Variants in ZNF146 observed in about 807,000 individuals in gnomAD.
ZNF146 encodes zinc finger protein OZF.
In ZNF146, 9 loss-of-function variants were observed where a neutral mutation model predicts 22.2. The ratio of observed to expected loss-of-function variants is 0.41; its 90% CI spans 0.24 to 0.71. The LOEUF (loss-of-function observed/expected upper bound fraction) is 0.71, where lower values mean the gene tolerates loss of function less well. Among genes scored for constraint, ZNF146 ranks in the 30% least tolerant of loss-of-function variants. The pLI is 0.34. For synonymous variants in ZNF146, 108 were observed against 119.2 expected (o/e 0.91, Z 0.61); for missense variants, 194 against 344.8 (o/e 0.56, Z 3.46).
intron 3 of ZNF146, among the ~76,000 whole-genome samples, chr19:36,233,502 A>T (rs139306086): frequency 6.2e-4 from 95 of 152,076 alleles, no homozygotes; most frequent in South Asian, 6.2e-4. Context: ...CATACGGAGG[A>T]CCTCTCAAGA....
At chr19:36,227,389 C>CAAA (rs35503795) in intron 2 of ZNF146, among the ~76,000 whole-genome samples, 3 of 106,846 alleles carry the variant, frequency 2.8e-5, no homozygotes, top group Non-Finnish European at 3.9e-5. Context: ...GTCTCTGTCA[C>CAAA]AAAAAAAAAA....
chr19:36,229,666 C>A lies in ZNF146; in HGVS notation c.-783+847C>A, dbSNP rs147748160. On this transcript the variant is annotated intron_variant, in intron 3 of 3. Coordinates refer to ENST00000443387, the MANE Select transcript of ZNF146 (RefSeq NM_007145.3). ...TATAAATGGTGGTATATTATATATT[C>A]TATTATGTACATAAGTTTTTTTCTT... Among the ~76,000 whole-genome samples the A allele has an allele frequency of 4.3e-3, 650 of 152,250 alleles. 10 individuals carry two copies. Among genetic ancestry groups the A allele is most frequent in the Admixed American group, 0.026 (394 of 15,286 alleles).
intron 3 of ZNF146, among the ~76,000 whole-genome samples, chr19:36,229,509 G>GT (rs1386542141): frequency 6.6e-6 from 1 of 152,058 alleles, no homozygotes; most frequent in African/African-American, 2.4e-5. Context: ...TAGTCCTGCA[G>GT]TTTTTTTGCA....
chr19:36,236,096 C>A lies in ZNF146; in HGVS notation c.-345C>A, dbSNP rs1977635712. 2 of 211,950 alleles carry A rather than the reference C, an allele frequency of 9.4e-6. No individual in the cohort carries two copies. Among genetic ancestry groups the A allele is most frequent in the South Asian group, 2.5e-4 (2 of 8,026 alleles). The allele number at this position is 211,950 out of a possible 1,614,324, so 13.1% of individuals were successfully genotyped here. Reference sequence around the variant, plus strand: ...GTTGCATTTCGTCGAACGTGCAAGTCATGCTGAAGAGAAACCCTGTGCTTC... The same window carrying A: ...GTTGCATTTCGTCGAACGTGCAAGTAATGCTGAAGAGAAACCCTGTGCTTC... On this transcript the variant is annotated 5_prime_UTR_variant, in exon 4 of 4. The change creates a premature stop within an existing upstream ORF in the 5' untranslated region. Coordinates refer to ENST00000443387, the MANE Select transcript of ZNF146 (RefSeq NM_007145.3).
Position 36,236,780 on chromosome 19 carries a change from A to T in ZNF146, c.340A>T (p.Asn114Tyr). The change falls in exon 4 of 4, where the codon AAC becomes TAC. Residue 114 changes from asparagine to tyrosine, a missense_variant. Coordinates refer to ENST00000443387, the MANE Select transcript of ZNF146 (RefSeq NM_007145.3). ...DCGKAFIQKS[N>Y]LIRHQRTHTG... Reference sequence around the variant, plus strand: ...CGGGAAAGCTTTCATTCAGAAGTCAAACCTCATCAGACACCAGAGAACTCA... The same window carrying T: ...CGGGAAAGCTTTCATTCAGAAGTCATACCTCATCAGACACCAGAGAACTCA... The T allele has an allele frequency of 6.2e-7, 1 of 1,614,124 alleles. No homozygotes were observed. Among genetic ancestry groups the T allele is most frequent in the Non-Finnish European group, 8.5e-7 (1 of 1,180,020 alleles).
chr19:36,225,330 A>T (rs1173719462), intron 2 of ZNF146, among the ~76,000 whole-genome samples: 1 of 152,138 alleles, frequency 6.6e-6, no homozygotes, highest in African/African-American at 2.4e-5. Context: ...CAAAAATAAG[A>T]TGTCTATTCC....
At chr19:36,229,473 A>G (rs1387903709) in intron 3 of ZNF146, among the ~76,000 whole-genome samples, 2 of 152,138 alleles carry the variant, frequency 1.3e-5, no homozygotes, top group Non-Finnish European at 2.9e-5. Context: ...GACTCCCGAA[A>G]AAATCTCCTC....
intron 3 of ZNF146, among the ~76,000 whole-genome samples, chr19:36,232,924 A>G (rs867078127): frequency 1.4e-4 from 22 of 152,288 alleles, no homozygotes; most frequent in African/African-American, 4.8e-4. Context: ...TAAATATAAC[A>G]AATGCTGAAG....
At chr19:36,223,673 TCTTTTA>T (rs1976955480) in intron 2 of ZNF146, among the ~76,000 whole-genome samples, 1 of 29,098 alleles carries the variant, frequency 3.4e-5, no homozygotes, top group Non-Finnish European at 6.3e-5. Flanking sequence ...GATTCATCAG[TCTTTTA>T]TGGTTATCAG....
intron 2 of ZNF146, among the ~76,000 whole-genome samples, chr19:36,223,922 A>G (rs116378887): frequency 0.012 from 1,860 of 152,098 alleles, 38 homozygotes; most frequent in African/African-American, 0.042. Flanking sequence ...GGCCCAAGTG[A>G]TCCTGCTACC....
chr19:36,218,848 G>A (rs868486020), intron 2 of ZNF146, among the ~76,000 whole-genome samples: 3 of 148,282 alleles, frequency 2.0e-5, no homozygotes, highest in East Asian at 2.0e-4. Flanking sequence ...TCGGTTTGTC[G>A]CCCAGGCTGG....
intron 3 of ZNF146, among the ~76,000 whole-genome samples, chr19:36,235,400 T>A (rs1977609775): frequency 6.6e-6 from 1 of 152,148 alleles, no homozygotes; most frequent in Non-Finnish European, 1.5e-5. Context: ...AATGTTAATT[T>A]TCTACCTAGA....
chr19:36,232,354 GTTAC>G (rs1215343966), intron 3 of ZNF146, among the ~76,000 whole-genome samples: 1 of 151,930 alleles, frequency 6.6e-6, no homozygotes, highest in Non-Finnish European at 1.5e-5. Flanking sequence ...TAAAATGTTT[GTTAC>G]TTCTGCCTTT....
At chr19:36,218,401 ATAT>A (rs1434019691) in intron 2 of ZNF146, among the ~76,000 whole-genome samples, 1 of 152,136 alleles carries the variant, frequency 6.6e-6, no homozygotes, top group Non-Finnish European at 1.5e-5. Context: ...TCCTCAGAAA[ATAT>A]TATAGTCCTG....
At chr19:36,217,155 C>CA (rs1976647126) in intron 1 of ZNF146, among the ~76,000 whole-genome samples, 1 of 149,456 alleles carries the variant, frequency 6.7e-6, no homozygotes, top group South Asian at 2.1e-4. Context: ...CTCTGCCCCC[C>CA]AGGTTCAAGC....
At chr19:36,220,485 C>T (rs1374468645) in intron 2 of ZNF146, among the ~76,000 whole-genome samples, 2 of 152,092 alleles carry the variant, frequency 1.3e-5, no homozygotes, top group African/African-American at 4.8e-5. Flanking sequence ...CTGCTTCAGC[C>T]TCCCGAGTAG....
At chr19:36,231,303 G>A (rs1261784620) in intron 3 of ZNF146, among the ~76,000 whole-genome samples, 15 of 151,726 alleles carry the variant, frequency 9.9e-5, no homozygotes, top group Admixed American at 7.9e-4. Flanking sequence ...TCTGCCTCCC[G>A]GGTTCAAGTG....
intron 2 of ZNF146, among the ~76,000 whole-genome samples, chr19:36,218,499 A>G (rs1439433564): frequency 1.3e-5 from 2 of 151,014 alleles, no homozygotes; most frequent in African/African-American, 2.4e-5. Context: ...ATGGAGTCTC[A>G]CTGTCGCCCA....
chr19:36,229,972 G>A (rs1243805108), intron 3 of ZNF146, among the ~76,000 whole-genome samples: 1 of 152,094 alleles, frequency 6.6e-6, no homozygotes, highest in Non-Finnish European at 1.5e-5. Flanking sequence ...TGCCTGCCTC[G>A]GCCTCTCAAA....
Sources: allele counts gnomAD v4.1 joint callset (sites outside exome capture counted in the v4.1 genomes callset), GRCh38; gene constraint gnomAD v4.1.1; transcripts MANE v1.5; gene names NCBI Gene and HGNC (gene_info 2026-07-23, HGNC 2026-07-21).